The following PPP3CA variants were observed in gnomAD, a reference collection of about 807,000 sequenced individuals.
PPP3CA encodes protein phosphatase 3 catalytic subunit alpha.
Under a neutral mutation model 66.5 loss-of-function variants are expected in PPP3CA, and 14 were observed. The observed-to-expected ratio is 0.21, with a 90% CI of 0.14 to 0.33. The LOEUF (loss-of-function observed/expected upper bound fraction) is 0.33, where lower values mean the gene tolerates loss of function less well. Ranked by LOEUF, PPP3CA falls within the 10% of genes least tolerant of loss-of-function variation. PPP3CA has a pLI of 1.00. For synonymous variants in PPP3CA, 232 were observed against 226.2 expected, an observed-to-expected ratio of 1.03 and a Z score of -0.23; for missense variants, 317 against 639.5, an observed-to-expected ratio of 0.50 and a Z score of 5.44.
Position 101,035,871 on chromosome 4 carries a change from T to C in PPP3CA, c.1242-3507A>G, listed in dbSNP as rs1416707374. Among the ~76,000 whole-genome samples, 76 of 152,198 alleles carry C rather than the reference T, an allele frequency of 5.0e-4. 1 individual carries two copies. On this transcript the variant is annotated intron_variant, in intron 11 of 13. Coordinates refer to ENST00000394854, the MANE Select transcript of PPP3CA (RefSeq NM_000944.5). The stretch of plus-strand genomic sequence containing the variant: ...CCATGCCCTCCGTCCTGAAAGACTC[T>C]TTGCCCTAGGTGTTGTAATGCTTTT...
At chr4:101,214,569 C>A (rs1440276231) in intron 1 of PPP3CA, among the ~76,000 whole-genome samples, 1 of 152,048 alleles carries the variant, frequency 6.6e-6, no homozygotes, top group Non-Finnish European at 1.5e-5. Context: ...CTGCACTGAT[C>A]ATTGTCTCCA....
chr4:101,312,604 A>C (rs1560712336), intron 1 of PPP3CA, among the ~76,000 whole-genome samples: 1 of 152,134 alleles, frequency 6.6e-6, no homozygotes, highest in Non-Finnish European at 1.5e-5. Context: ...GTTCAGACTT[A>C]TGTGAAAAAT....
chr4:101,043,521 T>C (rs1235122068), intron 10 of PPP3CA, among the ~76,000 whole-genome samples: 4 of 149,582 alleles, frequency 2.7e-5, no homozygotes, highest in Non-Finnish European at 5.9e-5. Flanking sequence ...TCCCCATAAA[T>C]AGTGAATCAC....
At chr4:101,249,652 T>C (rs1726609331) in intron 1 of PPP3CA, among the ~76,000 whole-genome samples, 1 of 152,170 alleles carries the variant, frequency 6.6e-6, no homozygotes, top group East Asian at 1.9e-4. Context: ...GAACTTTCAG[T>C]CAACATTAGC....
At chr4:101,078,161 A>G (rs1729274018) in intron 8 of PPP3CA, among the ~76,000 whole-genome samples, 1 of 152,050 alleles carries the variant, frequency 6.6e-6, no homozygotes, top group South Asian at 2.1e-4. Context: ...AGAACAATAC[A>G]CTCATGTTTA....
intron 10 of PPP3CA, among the ~76,000 whole-genome samples, chr4:101,046,329 C>T (rs1449609989): frequency 1.3e-5 from 2 of 152,006 alleles, no homozygotes; most frequent in East Asian, 3.8e-4. Flanking sequence ...GAAAAAGCTG[C>T]TTTTAAAAAT....
chr4:101,198,481 G>T (rs541706659), intron 1 of PPP3CA, among the ~76,000 whole-genome samples: 1 of 152,220 alleles, frequency 6.6e-6, no homozygotes, highest in South Asian at 2.1e-4. Flanking sequence ...GGTGTTTTAG[G>T]CAACAGTGAA....
At chr4:101,146,676 C>T (rs1190231248) in intron 2 of PPP3CA, among the ~76,000 whole-genome samples, 12 of 151,932 alleles carry the variant, frequency 7.9e-5, no homozygotes, top group Admixed American at 6.6e-4. Context: ...CTCCTGACCT[C>T]GTGATCTGCC....
intron 2 of PPP3CA, among the ~76,000 whole-genome samples, chr4:101,168,322 G>C (rs1371813366): frequency 6.6e-6 from 1 of 152,146 alleles, no homozygotes; most frequent in Non-Finnish European, 1.5e-5. Context: ...TCAGAAGTGT[G>C]GCTTTGGAAA....
At chr4:101,107,294 G>A (rs535108588) in intron 3 of PPP3CA, among the ~76,000 whole-genome samples, 1 of 152,112 alleles carries the variant, frequency 6.6e-6, no homozygotes, top group African/African-American at 2.4e-5. Flanking sequence ...TTAAATTACT[G>A]ACCTCTGGAT....
intron 2 of PPP3CA, among the ~76,000 whole-genome samples, chr4:101,193,750 A>G (rs1014257018): frequency 1.3e-5 from 2 of 151,954 alleles, no homozygotes; most frequent in Non-Finnish European, 2.9e-5. Context: ...TCATTGTCTT[A>G]TGAACACTTG....
intron 1 of PPP3CA, among the ~76,000 whole-genome samples, chr4:101,315,719 T>A (rs77046122): frequency 0.013 from 1,957 of 152,310 alleles, 49 homozygotes; most frequent in African/African-American, 0.045. Context: ...GTGGGTAATC[T>A]AGCCTATAGT....
intron 1 of PPP3CA, among the ~76,000 whole-genome samples, chr4:101,261,248 C>T (rs1211367096): frequency 6.6e-6 from 1 of 152,030 alleles, no homozygotes. Flanking sequence ...ACTCTTACAG[C>T]ATATCAGAGG....
intron 1 of PPP3CA, 25 bp from the exon 2 acceptor site, chr4:101,196,141 T>C (rs762328835): frequency 1.2e-6 from 2 of 1,603,882 alleles, no homozygotes; most frequent in South Asian, 1.1e-5. Flanking sequence ...GTCTAATTAT[T>C]ACATTAGCCA....
intron 1 of PPP3CA, among the ~76,000 whole-genome samples, chr4:101,289,787 T>C (rs1376915934): frequency 2.0e-5 from 3 of 152,186 alleles, no homozygotes; most frequent in Non-Finnish European, 4.4e-5. Flanking sequence ...ATGACTTCTG[T>C]GAATCTGTCT....
At chr4:101,048,463 G>T (rs376555390) in intron 10 of PPP3CA, among the ~76,000 whole-genome samples, 1 of 130,242 alleles carries the variant, frequency 7.7e-6, no homozygotes. Context: ...TCTACTTAGG[G>T]TCAGTGCAGT....
intron 10 of PPP3CA, among the ~76,000 whole-genome samples, chr4:101,041,677 G>A (rs541780931): frequency 1.9e-4 from 29 of 151,870 alleles, no homozygotes; most frequent in Non-Finnish European, 3.2e-4. Flanking sequence ...CAAATGACCT[G>A]CCTGCCTCAG....
At chr4:101,310,351 G>A (rs1194172729) in intron 1 of PPP3CA, among the ~76,000 whole-genome samples, 3 of 152,118 alleles carry the variant, frequency 2.0e-5, no homozygotes, top group Non-Finnish European at 2.9e-5. Flanking sequence ...TTCAAAAAGA[G>A]TGATACTTGT....
At chr4:101,208,222 G>A (rs1040342729) in intron 1 of PPP3CA, among the ~76,000 whole-genome samples, 1 of 151,316 alleles carries the variant, frequency 6.6e-6, no homozygotes, top group African/African-American at 2.4e-5. Context: ...TATGTTAAGT[G>A]AAAAGTAATC....
Sources: gnomAD v4.1 joint callset for allele counts (sites outside exome capture counted in the v4.1 genomes callset) on GRCh38, gnomAD v4.1.1 for gene constraint, MANE v1.5 for transcripts, NCBI Gene and HGNC (gene_info 2026-07-23, HGNC 2026-07-21) for gene names.